CYP2W1: variants seen among roughly 807,000 people sequenced by gnomAD.
CYP2W1 encodes cytochrome P450 2W1.
A neutral mutation model predicts 44.9 loss-of-function variants in CYP2W1; 51 were observed. The ratio of observed to expected loss-of-function variants is 1.14; its 90% confidence interval spans 0.91 to 1.43. The LOEUF (loss-of-function observed/expected upper bound fraction) is 1.43. CYP2W1 is among the 40% of genes most tolerant of loss of function. The pLI, the probability that CYP2W1 is intolerant of heterozygous loss-of-function variation, is 0.00. For synonymous variants in CYP2W1, 383 were observed against 338.3 expected (o/e 1.13, Z -1.45); for missense variants, 746 against 700.0 (o/e 1.07, Z -0.74).
intron 7 of CYP2W1, among the ~76,000 whole-genome samples, chr7:987,922 CCT>C (rs1472017364): frequency 2.8e-4 from 40 of 144,916 alleles, no homozygotes; most frequent in African/African-American, 8.3e-4. Context: ...CTGGGGATCC[CCT>C]GTGTGTCCTG....
Position 988,850 on chromosome 7 carries a change from G to T in CYP2W1, c.*28G>T. 1 of 1,385,298 alleles carries T rather than the reference G, an allele frequency of 7.2e-7. No homozygotes were observed. Among genetic ancestry groups the T allele is most frequent in the South Asian group, 1.3e-5 (1 of 76,144 alleles). The allele number at this position is 1,385,298 out of a possible 1,614,324, so 85.8% of individuals were successfully genotyped here. ...GCTCCCCCAGCCCCCAGGTCCTCCT[G>T]ACCACTCCCCTCCCAGCCCTGGGTC... On this transcript the variant is annotated 3_prime_UTR_variant, in exon 9 of 9. Coordinates refer to ENST00000308919, the MANE Select transcript of CYP2W1 (RefSeq NM_017781.3).
chr7:984,431 C>T lies in CYP2W1; in HGVS notation c.194C>T (p.Pro65Leu), dbSNP rs890133451. Reference sequence around the variant, plus strand: ...TGCCAGCTCTCAGAACGCTACGGGCCGGTGTTCACCGTGCACCTGGGGCGC... The same window carrying T: ...TGCCAGCTCTCAGAACGCTACGGGCTGGTGTTCACCGTGCACCTGGGGCGC... Reference protein sequence around the residue: ...SLMELSERYGPVFTVHLGRQK... With the variant: ...SLMELSERYGLVFTVHLGRQK... The change falls in exon 2 of 9, where the codon CCG becomes CTG. Residue 65 changes from proline to leucine, a missense_variant. Transcript: ENST00000308919. The T allele has an allele frequency of 1.2e-5, 19 of 1,548,520 alleles. No individual in the cohort carries two copies. The highest frequency in any genetic ancestry group is 1.4e-5 in the Non-Finnish European group (16 of 1,146,932).
chr7:986,819 C>T (rs372258767), intron 5 of CYP2W1, 22 bp downstream of exon 5: 703 of 1,510,578 alleles, frequency 4.7e-4, no homozygotes, highest in Non-Finnish European at 5.8e-4. Context: ...CCCAAGACCT[C>T]CTTGAAGGCC....
chr7:988,588 G>A (rs1375763791), intron 8 of CYP2W1, 47 bp from the exon 9 acceptor site: 1 of 1,599,638 alleles, frequency 6.3e-7, no homozygotes, highest in Non-Finnish European at 8.5e-7. Context: ...CTCCCCTCCA[G>A]GAGCAGGCCT....
intron 4 of CYP2W1, 186 bp from the exon 5 acceptor site, chr7:986,437 CA>C (rs200262578): frequency 3.1e-6 from 2 of 653,706 alleles, no homozygotes. Flanking sequence ...GGGACACGGA[CA>C]GGGGGTTTCC....
At chr7:987,650 C>A (rs80133931) in intron 7 of CYP2W1, 119 bp downstream of exon 7, 4 of 1,023,834 alleles carry the variant, frequency 3.9e-6, no homozygotes, top group African/African-American at 3.3e-5. Context: ...GCTCCCCGAC[C>A]GGAGGCAATA....
At chr7:987,846 T>G in intron 7 of CYP2W1, among the ~76,000 whole-genome samples, 1 of 147,752 alleles carries the variant, frequency 6.8e-6, no homozygotes, top group Non-Finnish European at 1.5e-5. Context: ...CTCTGTATCC[T>G]GGGGGGGTCC....
rs759809358 is a variant in CYP2W1, at chr7:987,454, C to A, written c.1066C>A (p.Arg356=). ...AAGCGCCGTGCTCCACGAGGTGCAG[C>A]GGTTCATCACGCTCCTGCCGCACGT... ...YTSAVLHEVQ[R]FITLLPHVPR... is the part of the protein sequence containing the mutation. Residue 356 remains arginine (R), a synonymous_variant, in exon 7 of 9, where the codon CGG becomes AGG. Coordinates refer to ENST00000308919, the MANE Select transcript of CYP2W1 (RefSeq NM_017781.3). 1.9e-6 allele frequency: 3 copies of A among 1,575,348 alleles called. No homozygotes were observed. Among genetic ancestry groups the A allele is most frequent in the Non-Finnish European group, 2.6e-6 (3 of 1,168,804 alleles).
chr7:984,617 G>A (rs1848186377), intron 2 of CYP2W1, 43 bp downstream of exon 2: 3 of 1,531,512 alleles, frequency 2.0e-6, no homozygotes, highest in African/African-American at 1.4e-5. Context: ...GGGTGTGGGG[G>A]CACCTGGACC....
At chr7:987,325 A>G (rs751928696) in intron 6 of CYP2W1, 22 bp from the exon 7 acceptor site, 72 of 1,552,534 alleles carry the variant, frequency 4.6e-5, no homozygotes, top group African/African-American at 1.5e-4. Flanking sequence ...CTGCCACCCA[A>G]GCGGCCCACC....
rs766521461 is a variant in CYP2W1, at chr7:987,445, G to A, written c.1057G>A (p.Glu353Lys). The A allele has an allele frequency of 6.3e-6, 10 of 1,584,156 alleles. No individual in the cohort carries two copies. The highest frequency in any genetic ancestry group is 1.3e-5 in the African/African-American group (1 of 74,658). ...ALPYTSAVLH[E>K]VQRFITLLPH... ...GCCCTACACAAGCGCCGTGCTCCAC[G>A]AGGTGCAGCGGTTCATCACGCTCCT... The change falls in exon 7 of 9, where the codon GAG becomes AAG. Residue 353 changes from glutamate (E) to lysine (K), a missense_variant. By Grantham distance (56) the Glu-to-Lys change is moderately conservative. Transcript: ENST00000308919.
intron 4 of CYP2W1, 156 bp from the exon 5 acceptor site, chr7:986,468 C>T (rs996505757): frequency 1.2e-6 from 1 of 832,250 alleles, no homozygotes; most frequent in South Asian, 1.7e-5. Context: ...CTGGTCCTCC[C>T]TTGAGGGCTA....
rs894293547 is a variant in CYP2W1, at chr7:985,258, G to A, written c.580G>A (p.Val194Met). ...FGRRFDYRDP[V>M]FVSLLGLIDE... ...CCGCCGATTTGACTACCGGGACCCCGTGTTTGTGTCCCTGCTGGGTCTCAT... is the reference window on the plus strand; with the variant it reads ...CCGCCGATTTGACTACCGGGACCCCATGTTTGTGTCCCTGCTGGGTCTCAT... The change falls in exon 4 of 9, where the codon GTG becomes ATG. Residue 194 changes from valine to methionine, a missense_variant. Coordinates refer to ENST00000308919, the MANE Select transcript of CYP2W1 (RefSeq NM_017781.3). 11 of 1,551,852 alleles carry A rather than the reference G, an allele frequency of 7.1e-6. No homozygotes were observed. Among genetic ancestry groups the A allele is most frequent in the African/African-American group, 2.7e-5 (2 of 73,220 alleles).
At position 987,362 on chromosome 7, in the gene CYP2W1, A is replaced by T. The variant is rs748833681; in HGVS notation, c.974A>T (p.Glu325Val). Residue 325 changes from glutamate (E) to valine (V), a missense_variant, in exon 7 of 9, where the codon GAG (glutamate) becomes GTG (valine). Glu to Val is a moderately radical substitution (Grantham distance 121). Coordinates refer to ENST00000308919, the MANE Select transcript of CYP2W1 (RefSeq NM_017781.3). Reference protein sequence around the residue: ...HPDVQGRVQEELDRVLGPGRT... With the variant: ...HPDVQGRVQEVLDRVLGPGRT... ...TTTGCCCCAGGCCGGGTGCAGGAGG[A>T]GCTAGACCGCGTGCTGGGCCCTGGG... is the stretch of plus-strand genomic sequence containing the variant. The T allele has an allele frequency of 6.3e-7, 1 of 1,589,654 alleles. No individual in the cohort carries two copies. The highest frequency in any genetic ancestry group is 1.1e-5 in the South Asian group (1 of 89,468).
Position 985,069 on chromosome 7 carries a change from T to A in CYP2W1, c.457T>A (p.Cys153Ser), listed in dbSNP as rs1457898396. The A allele has an allele frequency of 1.9e-6, 3 of 1,612,364 alleles. No individual in the cohort carries two copies. The African/African-American group carries it at 4.0e-5, about 22-fold the overall frequency. Residue 153 changes from cysteine (C) to serine (S), a missense_variant, in exon 3 of 9, where the codon TGC becomes AGC. Transcript: ENST00000308919. ...TGACAAGATTCTGCAGGAGCTGAAATGCCTCTCTGGGCAGCTGGATGGCTA... is the reference window on the plus strand; with the variant it reads ...TGACAAGATTCTGCAGGAGCTGAAAAGCCTCTCTGGGCAGCTGGATGGCTA... ...VADKILQELKCLSGQLDGYRG... is the reference protein window; with the variant it reads ...VADKILQELKSLSGQLDGYRG...
chr7:988,246 C>T, intron 7 of CYP2W1, 31 bp from the exon 8 acceptor site: 1 of 1,551,460 alleles, frequency 6.4e-7, no homozygotes, highest in Non-Finnish European at 8.7e-7. Context: ...TCCCCGGGGC[C>T]CCTCTCTCTG....
chr7:987,022 T>C (rs1017730393), intron 5 of CYP2W1, 85 bp from the exon 6 acceptor site: 74 of 1,417,666 alleles, frequency 5.2e-5, no homozygotes, highest in Non-Finnish European at 6.1e-5. Context: ...GGGGCATCCA[T>C]AGTGGAGCCC....
chr7:987,856 C>T (rs1848492667), intron 7 of CYP2W1, among the ~76,000 whole-genome samples: 1 of 151,572 alleles, frequency 6.6e-6, no homozygotes, highest in Non-Finnish European at 1.5e-5. Context: ...TGGGGGGGTC[C>T]CCTCTGTGTG....
chr7:985,104 G>A lies in CYP2W1; in HGVS notation c.487+5G>A, dbSNP rs1200872997. On this transcript the variant is annotated splice_donor_5th_base_variant and intron_variant, in intron 3 of 8. Transcript: ENST00000308919. Reference sequence around the variant, plus strand: ...GGCAGCTGGATGGCTACAGAGGTGAGCAGGGGGCCGGGGACGCCCCTCCCC... The same window carrying A: ...GGCAGCTGGATGGCTACAGAGGTGAACAGGGGGCCGGGGACGCCCCTCCCC... 1.9e-6 allele frequency: 3 copies of A among 1,611,160 alleles called. No homozygotes were observed. The highest frequency in any genetic ancestry group is 2.5e-6 in the Non-Finnish European group (3 of 1,179,306).
Sources: gnomAD v4.1 joint callset for allele counts (sites outside exome capture counted in the v4.1 genomes callset) on GRCh38, gnomAD v4.1.1 for gene constraint, MANE v1.5 for transcripts, NCBI Gene and HGNC (gene_info 2026-07-23, HGNC 2026-07-21) for gene names.